Variants in CACNA1A observed in about 807,000 individuals in gnomAD.
The protein encoded by CACNA1A is calcium voltage-gated channel subunit alpha1 A.
In CACNA1A, 57 loss-of-function variants were observed where a neutral mutation model predicts 262.4. That is an observed-to-expected ratio of 0.22 (90% CI 0.18 to 0.27). The LOEUF (loss-of-function observed/expected upper bound fraction) is 0.27, where lower values mean the gene tolerates loss of function less well. CACNA1A is among the 10% of genes least tolerant of loss of function. The pLI, the probability that CACNA1A is intolerant of heterozygous loss-of-function variation, is 1.00. For missense variants in CACNA1A, 2,526 were observed against 3,562.8 expected (o/e 0.71, Z 7.41); for synonymous variants, 1,431 against 1,419.3 (o/e 1.01, Z -0.18).
At chr19:13,395,717 T>TG (rs1169360180) in intron 3 of CACNA1A, among the ~76,000 whole-genome samples, 11 of 152,060 alleles carry the variant, frequency 7.2e-5, no homozygotes, top group African/African-American at 2.7e-4. Context: ...CCAGAAGGAA[T>TG]GCATGCTCTG....
intron 8 of CACNA1A, among the ~76,000 whole-genome samples, chr19:13,333,127 C>T (rs1480330346): frequency 6.6e-6 from 1 of 152,148 alleles, no homozygotes; most frequent in African/African-American, 2.4e-5. Context: ...ATTCTCCCCA[C>T]CTCGCGCAAA....
chr19:13,438,692 C>A (rs2060656821), intron 3 of CACNA1A, among the ~76,000 whole-genome samples: 1 of 152,194 alleles, frequency 6.6e-6, no homozygotes. Context: ...AAACTGCCAC[C>A]CTTCAGAATC....
At chr19:13,235,448 C>G (rs1189260352) in intron 32 of CACNA1A, among the ~76,000 whole-genome samples, 166 bp downstream of exon 32, 2 of 152,180 alleles carry the variant, frequency 1.3e-5, no homozygotes, top group African/African-American at 4.8e-5. Flanking sequence ...CCTTACAGCT[C>G]TGAAGACACA....
At chr19:13,232,750 A>T (rs1257543273) in intron 34 of CACNA1A, among the ~76,000 whole-genome samples, 1 of 145,304 alleles carries the variant, frequency 6.9e-6, no homozygotes, top group Admixed American at 6.9e-5. Context: ...AGCAAAAAAA[A>T]AAAAAAGCTC....
intron 6 of CACNA1A, among the ~76,000 whole-genome samples, chr19:13,355,129 G>T (rs961802395): frequency 6.6e-6 from 1 of 152,148 alleles, no homozygotes. Context: ...GCCTGCCTCG[G>T]CCTCCCAAAG....
chr19:13,379,507 T>C (rs1017272249), intron 3 of CACNA1A, among the ~76,000 whole-genome samples: 3 of 152,236 alleles, frequency 2.0e-5, no homozygotes, highest in South Asian at 2.1e-4. Flanking sequence ...AGGAGAAAGT[T>C]ACCACAGAGC....
At chr19:13,385,226 C>CTTTTTTT (rs200379554) in intron 3 of CACNA1A, among the ~76,000 whole-genome samples, 12 of 137,570 alleles carry the variant, frequency 8.7e-5, no homozygotes, top group African/African-American at 2.8e-4. Flanking sequence ...TCTATTCTTT[C>CTTTTTTT]TTTCTTTTTT....
At chr19:13,415,072 G>T (rs1033711904) in intron 3 of CACNA1A, among the ~76,000 whole-genome samples, 8 of 152,116 alleles carry the variant, frequency 5.3e-5, no homozygotes, top group Non-Finnish European at 1.2e-4. Flanking sequence ...TTTTGGGGAA[G>T]GTAGGAACTA....
intron 10 of CACNA1A, among the ~76,000 whole-genome samples, chr19:13,319,117 A>G (rs555474774): frequency 6.6e-6 from 1 of 151,202 alleles, no homozygotes; most frequent in African/African-American, 2.4e-5. Context: ...CTGGTCTTGA[A>G]CTCCTGGGTT....
intron 3 of CACNA1A, among the ~76,000 whole-genome samples, chr19:13,435,619 G>T (rs2060597664): frequency 6.6e-6 from 1 of 151,968 alleles, no homozygotes; most frequent in Non-Finnish European, 1.5e-5. Context: ...TGTGCCTGGA[G>T]GATTAAATGA....
chr19:13,331,264 T>A (rs2058462792), intron 9 of CACNA1A, among the ~76,000 whole-genome samples: 1 of 152,062 alleles, frequency 6.6e-6, no homozygotes, highest in South Asian at 2.1e-4. Context: ...TGAGACAGAG[T>A]CTTGCTCTGT....
rs573286032 is a variant in CACNA1A at position 13,366,390 on chromosome 19, G to A, written c.632-921C>T. On this transcript the variant is annotated intron_variant, in intron 4 of 46. Transcript: ENST00000360228. ...GGGACTGAGGCAGGAGGATCGTTAA[G>A]GCTGCAGTGAGCTATGATTGTGCCA... is the stretch of plus-strand genomic sequence containing the variant. 2.6e-5 allele frequency: 4 copies of A among 152,238 alleles called. No homozygotes were observed. In the South Asian group the frequency reaches 8.3e-4, roughly 32 times the overall value. 9.4% of individuals were successfully genotyped at this position (152,238 alleles called of 1,614,324 possible). A position where few individuals can be genotyped will look rare whatever the true frequency, so the allele number is the denominator to read the frequency against.
chr19:13,396,698 C>T (rs192003302), intron 3 of CACNA1A, among the ~76,000 whole-genome samples: 1 of 152,212 alleles, frequency 6.6e-6, no homozygotes, highest in African/African-American at 2.4e-5. Flanking sequence ...TAATCGAGGG[C>T]GTGCAGTCCG....
chr19:13,357,179 A>G (rs564054206), intron 6 of CACNA1A, among the ~76,000 whole-genome samples: 59 of 152,226 alleles, frequency 3.9e-4, no homozygotes, highest in African/African-American at 1.2e-3. Flanking sequence ...CTCCACCCAC[A>G]AGTGGGGAAA....
rs1043974397 is a variant in CACNA1A at position 13,262,779 on chromosome 19, C to T, written c.4044G>A (p.Arg1348=). 6.2e-7 allele frequency: 1 copy of T among 1,613,692 alleles called. No homozygotes were observed. The highest frequency in any genetic ancestry group is 1.7e-5 in the Admixed American group (1 of 59,974). The change falls in exon 25 of 47, where the codon CGG becomes CGA. Residue 1348 remains arginine (R), a synonymous_variant. Transcript: ENST00000360228. The part of the protein sequence containing the change: ...INTIKSLRVL[R]VLRPLKTIKR... ...TGATGGTTTTAAGAGGTCGTAGCACCCGGAGGACTCGGAGGGATTTAATCG... is the reference window on the plus strand; with the variant it reads ...TGATGGTTTTAAGAGGTCGTAGCACTCGGAGGACTCGGAGGGATTTAATCG...
chr19:13,340,912 A>T (rs1462784802), intron 6 of CACNA1A, among the ~76,000 whole-genome samples: 1 of 152,168 alleles, frequency 6.6e-6, no homozygotes, highest in Non-Finnish European at 1.5e-5. Context: ...TCCTTATAAA[A>T]AGAGGACATC....
At chr19:13,441,670 A>G (rs1208382860) in intron 3 of CACNA1A, among the ~76,000 whole-genome samples, 1 of 150,644 alleles carries the variant, frequency 6.6e-6, no homozygotes, top group African/African-American at 2.4e-5. Context: ...TCTCGAGGAA[A>G]AAAAAAAAAA....
chr19:13,463,031 G>A (rs1175203415), intron 1 of CACNA1A, among the ~76,000 whole-genome samples: 1 of 152,002 alleles, frequency 6.6e-6, no homozygotes, highest in African/African-American at 2.4e-5. Context: ...AAAGTGCTGG[G>A]ATTACAGGTA....
chr19:13,216,911 T>A (rs569622039), intron 38 of CACNA1A, among the ~76,000 whole-genome samples: 5 of 151,668 alleles, frequency 3.3e-5, no homozygotes, highest in African/African-American at 1.2e-4. Context: ...ATGCCTGGGG[T>A]GGGGGGCTTG....
Sources: allele counts gnomAD v4.1 joint callset (sites outside exome capture counted in the v4.1 genomes callset), GRCh38; gene constraint gnomAD v4.1.1; transcripts MANE v1.5; gene names NCBI Gene and HGNC (gene_info 2026-07-23, HGNC 2026-07-21).